MACROD2: variants seen among roughly 807,000 people sequenced by gnomAD.
MACROD2 encodes ADP-ribose glycohydrolase MACROD2.
A neutral mutation model predicts 70.4 loss-of-function variants in MACROD2; 36 were observed. The observed-to-expected ratio is 0.51, with a 90% confidence interval of 0.39 to 0.68. The LOEUF (loss-of-function observed/expected upper bound fraction) is 0.68. Among genes scored for constraint, MACROD2 ranks in the 30% least tolerant of loss-of-function variants. The pLI is 0.00. For synonymous variants in MACROD2, 172 were observed against 178.8 expected (o/e 0.96, Z 0.30); for missense variants, 496 against 538.4 (o/e 0.92, Z 0.78).
rs1555783866 is a variant in MACROD2 at position 15,823,308 on chromosome 20, G to GTA, written c.646-39436_646-39435insAT. On this transcript the variant is annotated intron_variant, in intron 8 of 17. Transcript: ENST00000684519. ...TGTGTGTGTGTGTGTGTGTGTGTGT[G>GTA]TGTGTGTGTGTGTCTATAGCTGTCT... is the stretch of plus-strand genomic sequence containing the variant. Among the ~76,000 whole-genome samples the GTA allele has an allele frequency of 9.9e-3, 1,155 of 116,476 alleles. 12 individuals are homozygous for GTA. Among genetic ancestry groups the GTA allele is most frequent in the African/African-American group, 0.02 (689 of 34,370 alleles). The allele number at this position is 116,476 out of a possible 152,430, so 76.4% of individuals were successfully genotyped here.
chr20:14,731,914 T>C (rs949700659), intron 5 of MACROD2, among the ~76,000 whole-genome samples: 2 of 152,156 alleles, frequency 1.3e-5, no homozygotes, highest in Non-Finnish European at 2.9e-5. Flanking sequence ...AATTTTTTGG[T>C]TTTGAAAACA....
At chr20:14,698,358 T>C (rs567984331) in intron 5 of MACROD2, among the ~76,000 whole-genome samples, 1 of 152,288 alleles carries the variant, frequency 6.6e-6, no homozygotes, top group African/African-American at 2.4e-5. Context: ...CGTTTTGCTA[T>C]CGGGAAATAG....
chr20:15,310,915 G>A (rs1278362518), intron 6 of MACROD2, among the ~76,000 whole-genome samples: 1 of 152,088 alleles, frequency 6.6e-6, no homozygotes, highest in Non-Finnish European at 1.5e-5. Flanking sequence ...GACATTCAGG[G>A]GAAATATTAG....
chr20:14,575,017 C>CAAAAAAAAAAAAAAAA (rs1195216470), intron 4 of MACROD2, among the ~76,000 whole-genome samples: 8 of 49,934 alleles, frequency 1.6e-4, no homozygotes, highest in Admixed American at 4.7e-4. Context: ...GACTCTGTCT[C>CAAAAAAAAAAAAAAAA]AAAAAAAAAA....
intron 5 of MACROD2, among the ~76,000 whole-genome samples, chr20:15,109,187 A>C (rs1189788625): frequency 6.6e-6 from 1 of 152,174 alleles, no homozygotes; most frequent in Non-Finnish European, 1.5e-5. Context: ...TTATAGAAAA[A>C]ACATTGCTGG....
At chr20:14,412,948 A>G (rs1318221152) in intron 3 of MACROD2, among the ~76,000 whole-genome samples, 2 of 152,206 alleles carry the variant, frequency 1.3e-5, no homozygotes, top group African/African-American at 2.4e-5. Flanking sequence ...CAGTGACTCA[A>G]GACTGTAATA....
intron 8 of MACROD2, among the ~76,000 whole-genome samples, chr20:15,558,066 A>G (rs1267320145): frequency 2.0e-5 from 3 of 152,242 alleles, no homozygotes; most frequent in Non-Finnish European, 4.4e-5. Context: ...TAACTAAGAT[A>G]TAAAAAGATG....
chr20:14,060,422 AT>A lies in MACROD2; in HGVS notation c.164-25190del, dbSNP rs916603952. On this transcript the variant is annotated intron_variant, in intron 2 of 17. Coordinates refer to ENST00000684519, the MANE Select transcript of MACROD2 (RefSeq NM_001351661.2). ...CCTTTTAGCTTTGAGGAACATGTTA[AT>A]TTTTTTTTAAGGCTTCCATTAAGAA... 2.1e-3 allele frequency among the ~76,000 whole-genome samples: 319 copies of A among 151,800 alleles called. 1 individual carries two copies. The highest frequency in any genetic ancestry group is 7.3e-3 in the African/African-American group (303 of 41,416).
chr20:15,410,253 A>G (rs571941349), intron 6 of MACROD2, among the ~76,000 whole-genome samples: 27 of 152,346 alleles, frequency 1.8e-4, no homozygotes, highest in Non-Finnish European at 3.5e-4. Context: ...ACTGTTGTAC[A>G]GTTAGCTTTT....
At chr20:14,483,160 C>G (rs1009531732) in intron 3 of MACROD2, among the ~76,000 whole-genome samples, 2 of 152,144 alleles carry the variant, frequency 1.3e-5, no homozygotes, top group African/African-American at 2.4e-5. Context: ...CATTCCATTT[C>G]TCTTTAGCCT....
rs2082728424 is a variant in MACROD2 at position 14,326,059 on chromosome 20, T to G, written c.272-167420T>G. The G allele has an allele frequency of 6.2e-7, 1 of 1,613,832 alleles. No homozygotes were observed. Among genetic ancestry groups the G allele is most frequent in the Non-Finnish European group, 8.5e-7 (1 of 1,179,896 alleles). On this transcript the variant is annotated intron_variant, in intron 3 of 17. Transcript: ENST00000684519. This position sits in a 1 kb window ranked among gnomAD's most constrained non-coding sequence, Gnocchi z 5.5. ...ATCAAATAGGTAGAGGTTGCTGGTT[T>G]CCATGGGAACCATGCATACTTTATA...
intron 3 of MACROD2, among the ~76,000 whole-genome samples, chr20:14,129,826 C>T (rs565016099): frequency 6.6e-6 from 1 of 152,128 alleles, no homozygotes; most frequent in South Asian, 2.1e-4. Context: ...CATGTTTTGG[C>T]AATAAAGTAT....
At chr20:14,100,750 AAT>A (rs1400482328) in intron 3 of MACROD2, among the ~76,000 whole-genome samples, 1 of 135,882 alleles carries the variant, frequency 7.4e-6, no homozygotes, top group Non-Finnish European at 1.6e-5. Flanking sequence ...TATAATATAT[AAT>A]ATATAAAAAT....
In MACROD2 at chr20:13,995,575, A is replaced by G. The variant is rs1202417664; in HGVS notation, c.-189A>G. On this transcript the variant is annotated 5_prime_UTR_variant, in exon 1 of 18. Transcript: ENST00000684519. The surrounding 1 kb of genome is among the most constrained non-coding windows in gnomAD (Gnocchi z 4.3). ...CGGGGCTGAGGCGGGTGGGAGCCGG[A>G]GCCGAGCGCGGGCTGAGGGAGGAGG... 1.5e-6 allele frequency: 1 copy of G among 668,336 alleles called. No homozygotes were observed. The highest frequency in any genetic ancestry group is 2.8e-5 in the East Asian group (1 of 36,336). 41.4% of individuals were successfully genotyped at this position (668,336 alleles called of 1,614,324 possible). A position where few individuals can be genotyped will look rare whatever the true frequency, so the allele number is the denominator to read the frequency against.
At chr20:15,328,878 A>G (rs888899494) in intron 6 of MACROD2, among the ~76,000 whole-genome samples, 2 of 152,144 alleles carry the variant, frequency 1.3e-5, no homozygotes, top group Admixed American at 6.6e-5. Context: ...TTACCAAAGT[A>G]TAATAGTATA....
intron 4 of MACROD2, among the ~76,000 whole-genome samples, chr20:14,589,852 G>C (rs781529196): frequency 1.3e-5 from 2 of 152,102 alleles, no homozygotes; most frequent in Admixed American, 1.3e-4. Context: ...ACTGCTGTAT[G>C]GCATGAATTC....
chr20:15,289,509 C>T (rs1292348503), intron 6 of MACROD2, among the ~76,000 whole-genome samples: 1 of 152,096 alleles, frequency 6.6e-6, no homozygotes, highest in Non-Finnish European at 1.5e-5. Context: ...CTATGAGAAC[C>T]GGGTGCACAT....
At chr20:16,027,387 C>G (rs188312487) in intron 15 of MACROD2, among the ~76,000 whole-genome samples, 89 of 152,218 alleles carry the variant, frequency 5.8e-4, no homozygotes, top group African/African-American at 2.0e-3. Context: ...GAAAATGTGA[C>G]CTACAAACAG....
intron 5 of MACROD2, among the ~76,000 whole-genome samples, chr20:14,916,705 A>G (rs1320135457): frequency 1.3e-5 from 2 of 152,140 alleles, no homozygotes; most frequent in Non-Finnish European, 2.9e-5. Flanking sequence ...TGTTTGTTAT[A>G]TAATTCTCTC....
Sources: gnomAD v4.1 joint callset for allele counts (sites outside exome capture counted in the v4.1 genomes callset) on GRCh38, gnomAD v4.1.1 for gene constraint, Gnocchi (gnomAD v3.1) non-coding constraint, MANE v1.5 for transcripts, NCBI Gene and HGNC (gene_info 2026-07-23, HGNC 2026-07-21) for gene names.